The following NTM variants were observed in gnomAD, a reference collection of about 807,000 sequenced individuals.
The protein encoded by NTM is neurotrimin.
A neutral mutation model predicts 42.1 loss-of-function variants in NTM; 13 were observed. That is an observed-to-expected ratio of 0.31 (90% CI 0.20 to 0.49). The LOEUF (loss-of-function observed/expected upper bound fraction) is 0.49, where lower values mean the gene tolerates loss of function less well. Among genes scored for constraint, NTM ranks in the 20% least tolerant of loss-of-function variants. The probability of loss-of-function intolerance (pLI) is 0.99; values close to 1 mark genes in which losing one functional copy is unlikely to be tolerated. For synonymous variants in NTM, 187 were observed against 179.2 expected, an observed-to-expected ratio of 1.04 and a Z score of -0.35; for missense variants, 373 against 452.8, an observed-to-expected ratio of 0.82 and a Z score of 1.60.
At chr11:131,698,611 A>G (rs1046886236) in intron 1 of NTM, among the ~76,000 whole-genome samples, 4 of 152,214 alleles carry the variant, frequency 2.6e-5, no homozygotes, top group African/African-American at 9.6e-5. Context: ...TAATAATTTT[A>G]TAAGAGGACT....
intron 4 of NTM, among the ~76,000 whole-genome samples, chr11:132,232,520 G>A (rs974704997): frequency 5.3e-5 from 8 of 152,172 alleles, no homozygotes; most frequent in South Asian, 2.1e-4. Context: ...CAGGGAATAC[G>A]GGGAAGTGAA....
At chr11:132,313,340 C>A (rs747619435) in intron 6 of NTM, among the ~76,000 whole-genome samples, 1 of 152,154 alleles carries the variant, frequency 6.6e-6, no homozygotes, top group South Asian at 2.1e-4. Context: ...CAAAGCATGT[C>A]CCCTGAATCT....
At chr11:131,945,335 C>T (rs2060229956) in intron 2 of NTM, among the ~76,000 whole-genome samples, 1 of 152,156 alleles carries the variant, frequency 6.6e-6, no homozygotes, top group East Asian at 1.9e-4. Flanking sequence ...GCCTGAACTC[C>T]ACAGCGCTCT....
intron 2 of NTM, among the ~76,000 whole-genome samples, chr11:132,118,496 C>T (rs1048887216): frequency 4.6e-5 from 7 of 152,306 alleles, no homozygotes; most frequent in Admixed American, 1.3e-4. Context: ...TCATCGCAAT[C>T]GCACAGCACA....
chr11:131,554,097 C>T (rs1439581481), intron 1 of NTM, among the ~76,000 whole-genome samples: 1 of 152,190 alleles, frequency 6.6e-6, no homozygotes, highest in Non-Finnish European at 1.5e-5. Flanking sequence ...AGAGTTGACT[C>T]TTCCCTCCTT....
At chr11:132,026,656 A>G (rs563440967) in intron 2 of NTM, among the ~76,000 whole-genome samples, 2 of 152,302 alleles carry the variant, frequency 1.3e-5, no homozygotes, top group Admixed American at 1.3e-4. Context: ...ATTCACAGAT[A>G]TTATCTGCAG....
At chr11:131,803,148 G>T (rs117615636) in intron 1 of NTM, among the ~76,000 whole-genome samples, 1 of 152,106 alleles carries the variant, frequency 6.6e-6, no homozygotes, top group Non-Finnish European at 1.5e-5. Flanking sequence ...TCAATTTGTG[G>T]GATGTTTTAT....
intron 1 of NTM, among the ~76,000 whole-genome samples, chr11:131,442,353 TAGC>T (rs559541612): frequency 1.1e-4 from 17 of 152,040 alleles, no homozygotes; most frequent in South Asian, 4.2e-4. Flanking sequence ...ATGACAGCAA[TAGC>T]AGCAGCAGCA....
chr11:132,085,054 TCA>T (rs925571584), intron 2 of NTM, among the ~76,000 whole-genome samples: 42 of 152,230 alleles, frequency 2.8e-4, no homozygotes, highest in Non-Finnish European at 1.3e-4. Flanking sequence ...TAGTCAATGT[TCA>T]CACACAGAAT....
chr11:131,633,742 C>CCTCTCTCTCCCTCT (rs1197211573), intron 1 of NTM, among the ~76,000 whole-genome samples: 3 of 41,732 alleles, frequency 7.2e-5, no homozygotes, highest in African/African-American at 9.8e-5. Context: ...TCTCTCCCTC[C>CCTCTCTCTCCCTCT]CTCTCTCTCC....
chr11:131,636,636 CTGTT>C (rs1421297470), intron 1 of NTM, among the ~76,000 whole-genome samples: 2 of 152,164 alleles, frequency 1.3e-5, no homozygotes, highest in Non-Finnish European at 2.9e-5. Context: ...AGCGGCTGCG[CTGTT>C]TGTGCGCTGC....
intron 4 of NTM, among the ~76,000 whole-genome samples, chr11:132,219,476 C>T (rs1332373153): frequency 6.6e-6 from 1 of 151,692 alleles, no homozygotes; most frequent in Admixed American, 6.6e-5. Flanking sequence ...GTTTTCAGTC[C>T]CTTTCTAAAA....
chr11:131,741,793 G>T (rs1404674879), intron 1 of NTM, among the ~76,000 whole-genome samples: 7 of 152,284 alleles, frequency 4.6e-5, no homozygotes, highest in African/African-American at 1.7e-4. Flanking sequence ...AGCTGGTAGA[G>T]CAGAGGACTG....
intron 1 of NTM, among the ~76,000 whole-genome samples, chr11:131,516,757 G>A (rs2048944034): frequency 6.6e-6 from 1 of 152,198 alleles, no homozygotes. Context: ...GACTGGAAAA[G>A]CATAAAAGCG....
At chr11:132,064,909 C>T (rs1042411114) in intron 2 of NTM, among the ~76,000 whole-genome samples, 2 of 152,274 alleles carry the variant, frequency 1.3e-5, no homozygotes, top group South Asian at 2.1e-4. Flanking sequence ...TTCATTTTAC[C>T]CGTGTTTCCT....
chr11:131,425,788 G>A (rs1269429667), intron 1 of NTM, among the ~76,000 whole-genome samples: 1 of 152,132 alleles, frequency 6.6e-6, no homozygotes, highest in Admixed American at 6.5e-5. Flanking sequence ...GAGTTTGGGG[G>A]TAGAAACTGT....
intron 2 of NTM, among the ~76,000 whole-genome samples, chr11:132,078,441 A>C (rs186223092): frequency 2.6e-5 from 4 of 152,370 alleles, no homozygotes; most frequent in Non-Finnish European, 1.5e-5. Context: ...TGACGCTAGC[A>C]GTAGGCTCTG....
chr11:131,851,886 G>A (rs2045596073), intron 1 of NTM, among the ~76,000 whole-genome samples: 1 of 152,074 alleles, frequency 6.6e-6, no homozygotes, highest in Admixed American at 6.6e-5. Flanking sequence ...GCAAGGAGGA[G>A]GAAAAAGTTG....
intron 1 of NTM, among the ~76,000 whole-genome samples, chr11:131,851,397 G>GA (rs1022943170): frequency 3.3e-5 from 5 of 151,998 alleles, no homozygotes; most frequent in Non-Finnish European, 5.9e-5. Context: ...CCCGCTAATA[G>GA]AAAAAAATAT....
Sources: gnomAD v4.1 joint callset for allele counts (sites outside exome capture counted in the v4.1 genomes callset) on GRCh38, gnomAD v4.1.1 for gene constraint, MANE v1.5 for transcripts, NCBI Gene and HGNC (gene_info 2026-07-23, HGNC 2026-07-21) for gene names.